Variants in OTUD7A observed in about 807,000 individuals in gnomAD.
OTUD7A encodes OTU domain-containing protein 7A.
In OTUD7A, 12 loss-of-function variants were observed where a neutral mutation model predicts 65.7. The ratio of observed to expected loss-of-function variants is 0.18; its 90% CI spans 0.12 to 0.30. OTUD7A has a LOEUF of 0.30. OTUD7A is among the 10% of genes least tolerant of loss of function. OTUD7A has a pLI of 1.00. For missense variants in OTUD7A, 1,148 were observed against 1,304.8 expected (o/e 0.88, Z 1.85); for synonymous variants, 641 against 586.3 (o/e 1.09, Z -1.35).
intron 3 of OTUD7A, among the ~76,000 whole-genome samples, chr15:31,648,026 G>T (rs527525606): frequency 3.9e-5 from 6 of 152,308 alleles, no homozygotes; most frequent in African/African-American, 1.4e-4. Context: ...GGAGTACCAG[G>T]TGGAGAAGTT....
At chr15:31,491,039 T>C (rs1050588593) in intron 10 of OTUD7A, among the ~76,000 whole-genome samples, 1 of 151,938 alleles carries the variant, frequency 6.6e-6, no homozygotes, top group Admixed American at 6.6e-5. Flanking sequence ...TTTCCAGGAA[T>C]AAAAGTGATT....
At chr15:31,840,655 T>C (rs946499432) in intron 1 of OTUD7A, among the ~76,000 whole-genome samples, 2 of 152,152 alleles carry the variant, frequency 1.3e-5, no homozygotes, top group African/African-American at 2.4e-5. Context: ...GTGGAAAACA[T>C]GCTTTTAAGG....
chr15:31,646,686 C>CCTGA lies in OTUD7A; in HGVS notation c.151+8406_151+8409dup, dbSNP rs1430510241. Among the ~76,000 whole-genome samples the CCTGA allele has an allele frequency of 2.0e-5, 3 of 152,200 alleles. No homozygotes were observed. In the East Asian group the frequency reaches 5.8e-4, roughly 30 times the overall value. ...ATGTTGGTCAGGCTGGCCTCGAACTCCTGACCTCGTGATCTGCCCGCCTTG... is the reference window on the plus strand; with the variant it reads ...ATGTTGGTCAGGCTGGCCTCGAACTCCTGACTGACCTCGTGATCTGCCCGCCTTG... On this transcript the variant is annotated intron_variant, in intron 3 of 12. Transcript: ENST00000307050.
intron 1 of OTUD7A, among the ~76,000 whole-genome samples, chr15:31,808,709 C>T (rs1242426019): frequency 2.0e-5 from 3 of 152,216 alleles, no homozygotes; most frequent in Admixed American, 1.3e-4. Flanking sequence ...CCATCCACAG[C>T]AGCACTCACA....
intron 1 of OTUD7A, among the ~76,000 whole-genome samples, chr15:31,822,970 C>G (rs1197064955): frequency 2.0e-5 from 3 of 152,242 alleles, no homozygotes; most frequent in South Asian, 2.1e-4. Context: ...GTAAAAACTA[C>G]AGAGAGTAAA....
intron 1 of OTUD7A, among the ~76,000 whole-genome samples, chr15:31,808,136 C>CACACACACACACACACAAAAAA (rs772574742): frequency 1.5e-4 from 18 of 119,504 alleles, no homozygotes; most frequent in South Asian, 5.0e-4. Context: ...CACACACACA[C>CACACACACACACACACAAAAAA]AAACAAATCC....
At chr15:31,587,775 C>G (rs1275549113) in intron 3 of OTUD7A, among the ~76,000 whole-genome samples, 1 of 152,198 alleles carries the variant, frequency 6.6e-6, no homozygotes, top group Admixed American at 6.5e-5. Flanking sequence ...GCCCCGGGCA[C>G]CAAGTGACTT....
chr15:31,549,083 C>T (rs1258449770), intron 5 of OTUD7A, among the ~76,000 whole-genome samples: 1 of 148,904 alleles, frequency 6.7e-6, no homozygotes, highest in Non-Finnish European at 1.5e-5. Flanking sequence ...CTGGAGTGAG[C>T]TGACATCGTG....
At chr15:31,668,906 C>T (rs1168998970) in intron 1 of OTUD7A, among the ~76,000 whole-genome samples, 5 of 152,176 alleles carry the variant, frequency 3.3e-5, no homozygotes, top group Admixed American at 6.5e-5. Context: ...CAAACTGCAG[C>T]GACTGCTGTC....
At chr15:31,551,878 G>A (rs1888335332) in intron 5 of OTUD7A, among the ~76,000 whole-genome samples, 1 of 152,126 alleles carries the variant, frequency 6.6e-6, no homozygotes, top group Non-Finnish European at 1.5e-5. Context: ...CTGGGGCAGG[G>A]GCCTTGTGTT....
At chr15:31,577,662 T>C (rs1329552967) in intron 3 of OTUD7A, among the ~76,000 whole-genome samples, 7 of 152,120 alleles carry the variant, frequency 4.6e-5, no homozygotes, top group African/African-American at 1.7e-4. Flanking sequence ...TGGTCATTCG[T>C]ACTGGCTCAG....
chr15:31,775,448 G>A (rs1406710415), intron 1 of OTUD7A, among the ~76,000 whole-genome samples: 1 of 152,170 alleles, frequency 6.6e-6, no homozygotes, highest in Non-Finnish European at 1.5e-5. Flanking sequence ...AATAGGTTAT[G>A]AGTCTGTAAG....
chr15:31,671,163 T>C (rs1208456934), intron 1 of OTUD7A, among the ~76,000 whole-genome samples: 1 of 152,224 alleles, frequency 6.6e-6, no homozygotes, highest in Non-Finnish European at 1.5e-5. Context: ...ACGTCCTAGA[T>C]GGCATTGCCT....
At chr15:31,571,934 T>C (rs145358332) in intron 3 of OTUD7A, among the ~76,000 whole-genome samples, 3 of 152,182 alleles carry the variant, frequency 2.0e-5, no homozygotes, top group Non-Finnish European at 2.9e-5. Context: ...GGACACTCTA[T>C]GGTCCCTTCA....
At chr15:31,748,470 TATAG>T (rs1412379704) in intron 1 of OTUD7A, among the ~76,000 whole-genome samples, 11 of 151,630 alleles carry the variant, frequency 7.3e-5, no homozygotes, top group Non-Finnish European at 1.6e-4. Flanking sequence ...ATAAAATATA[TATAG>T]ATAGAGCAAA....
chr15:31,502,814 C>T (rs1328844042), intron 9 of OTUD7A, among the ~76,000 whole-genome samples: 1 of 152,206 alleles, frequency 6.6e-6, no homozygotes, highest in African/African-American at 2.4e-5. Flanking sequence ...GTCCCTGAGC[C>T]ACACAGGGAA....
rs546653647 is a variant in OTUD7A at position 31,503,756 on chromosome 15, G to A, written c.956C>T (p.Ala319Val). ...SLEEFHVFVLAHILRRPIVVV... is the reference protein window; with the variant it reads ...SLEEFHVFVLVHILRRPIVVV... Reference sequence around the variant, plus strand: ...AACGATGGGCCTTCTTAATATATGGGCTAGGACAAAAACGTGGAACTCTTC... The same window carrying A: ...AACGATGGGCCTTCTTAATATATGGACTAGGACAAAAACGTGGAACTCTTC... The change falls in exon 9 of 13, where the codon GCC (alanine) becomes GTC (valine). Residue 319 changes from alanine (A) to valine (V), a missense_variant. Ala to Val is a moderately conservative substitution (Grantham distance 64). Around this residue, in one of 6 missense-constraint regions of OTUD7A, gnomAD observed 58 missense variants for 131.4 expected, o/e 0.44. Coordinates refer to ENST00000307050, the MANE Select transcript of OTUD7A (RefSeq NM_001382637.1). 1.9e-6 allele frequency: 3 copies of A among 1,614,148 alleles called. No homozygotes were observed. The highest frequency in any genetic ancestry group is 1.3e-5 in the African/African-American group (1 of 75,050).
chr15:31,585,479 G>A (rs1003815146), intron 3 of OTUD7A, among the ~76,000 whole-genome samples: 16 of 152,218 alleles, frequency 1.1e-4, no homozygotes, highest in Admixed American at 6.5e-5. Flanking sequence ...GCACCCAGGA[G>A]AATACCTACA....
intron 8 of OTUD7A, among the ~76,000 whole-genome samples, chr15:31,522,447 C>T (rs1393740139): frequency 6.6e-6 from 1 of 152,242 alleles, no homozygotes; most frequent in Non-Finnish European, 1.5e-5. Flanking sequence ...CCAGCTGGCA[C>T]ATGCCAGATC....
Sources: allele counts gnomAD v4.1 joint callset (sites outside exome capture counted in the v4.1 genomes callset), GRCh38; gene constraint gnomAD v4.1.1; regional missense constraint gnomAD v4.1.1; transcripts MANE v1.5; gene names NCBI Gene and HGNC (gene_info 2026-07-23, HGNC 2026-07-21).